PROM1: variants seen among roughly 807,000 people sequenced by gnomAD.
The protein encoded by PROM1 is prominin 1.
Under a neutral mutation model 116.9 loss-of-function variants are expected in PROM1, and 105 were observed. The observed-to-expected ratio is 0.90, with a 90% CI of 0.77 to 1.06. PROM1 has a LOEUF of 1.06. Among genes scored for constraint, PROM1 ranks in the 50% least tolerant of loss-of-function variants. PROM1 has a pLI of 0.00. For missense variants in PROM1, 1,122 were observed against 1,045.2 expected (o/e 1.07, Z -1.01); for synonymous variants, 393 against 387.0 (o/e 1.02, Z -0.18).
intron 1 of PROM1, chr4:16,079,793 A>C (rs534671688): frequency 6.6e-6 from 1 of 152,204 alleles, no homozygotes; most frequent in African/African-American, 2.4e-5. Context: ...AATTCATGTC[A>C]CTTTCCAAGG....
intron 2 of PROM1, among the ~76,000 whole-genome samples, chr4:16,062,927 A>T (rs1244924560): frequency 6.6e-6 from 1 of 152,202 alleles, no homozygotes; most frequent in African/African-American, 2.4e-5. Flanking sequence ...TTCCCCTAAA[A>T]GTTGCAATAT....
chr4:15,998,287 G>A, intron 15 of PROM1, 98 bp downstream of exon 15: 1 of 1,427,986 alleles, frequency 7.0e-7, no homozygotes. Flanking sequence ...AAACATGAAA[G>A]TCATATAATT....
intron 1 of PROM1, chr4:16,082,395 C>A (rs1298383533): frequency 6.6e-6 from 1 of 152,182 alleles, no homozygotes; most frequent in Non-Finnish European, 1.5e-5. Context: ...GCTTTCTTAA[C>A]AAAGAACAGC....
At chr4:16,020,184 C>A (rs1729495804) in intron 8 of PROM1, among the ~76,000 whole-genome samples, 1 of 152,168 alleles carries the variant, frequency 6.6e-6, no homozygotes, top group African/African-American at 2.4e-5. Flanking sequence ...TACCCAGAGA[C>A]CTGGGGAGGC....
intron 2 of PROM1, chr4:16,055,321 GTGC>G: frequency 2.2e-6 from 1 of 453,398 alleles, no homozygotes; most frequent in South Asian, 1.6e-5. Flanking sequence ...GATCACTTGT[GTGC>G]TGAGATAACC....
Position 15,979,385 on chromosome 4 carries a change from T to C in PROM1, c.2582+10A>G. On this transcript the variant is annotated intron_variant, in intron 26 of 27. Transcript: ENST00000447510. ...ATAGGGCGGGCATGCACTTCCAGAC[T>C]TTGCTTTACCTTGTCATAACAGGAT... 6.2e-7 allele frequency: 1 copy of C among 1,613,780 alleles called. No homozygotes were observed. Among genetic ancestry groups the C allele is most frequent in the Non-Finnish European group, 8.5e-7 (1 of 1,179,770 alleles).
chr4:16,058,180 C>A (rs1425667786), intron 2 of PROM1, among the ~76,000 whole-genome samples: 1 of 152,134 alleles, frequency 6.6e-6, no homozygotes, highest in Admixed American at 6.5e-5. Context: ...AGTGAAGGGG[C>A]CTTATGAATC....
chr4:16,047,618 A>T (rs1441504179), intron 2 of PROM1, among the ~76,000 whole-genome samples: 1 of 150,858 alleles, frequency 6.6e-6, no homozygotes, highest in Non-Finnish European at 1.5e-5. Context: ...TGTTAACAAC[A>T]TCTATAAAAT....
At chr4:16,047,129 T>G (rs559797394) in intron 2 of PROM1, among the ~76,000 whole-genome samples, 4 of 152,324 alleles carry the variant, frequency 2.6e-5, no homozygotes, top group African/African-American at 9.6e-5. Flanking sequence ...GATTTCTTCC[T>G]CCTCAGGAAA....
rs76498156 is a variant in PROM1 at position 16,002,797 on chromosome 4, G to T, written c.1455-2178C>A. Among the ~76,000 whole-genome samples, 729 of 152,228 alleles carry T rather than the reference G, an allele frequency of 4.8e-3. 27 individuals are homozygous for T. In the East Asian group the frequency reaches 0.11, roughly 22 times the overall value. On this transcript the variant is annotated intron_variant, in intron 13 of 27. Transcript: ENST00000447510. The stretch of plus-strand genomic sequence containing the variant: ...TGACTCTTACTCTAAATCGCATACA[G>T]TCACTATCTCCAGCCTTTATTTTCT...
intron 20 of PROM1, among the ~76,000 whole-genome samples, chr4:15,987,320 G>A (rs1041343102): frequency 5.3e-5 from 8 of 152,216 alleles, no homozygotes; most frequent in African/African-American, 1.9e-4. Flanking sequence ...CAAACCAGCA[G>A]GGAAAATGAA....
rs771407273 is a variant in PROM1, at chr4:16,024,331, T to C, written c.658A>G (p.Asn220Asp). ...GTGAACGCCTTGTCCTTGGTAGTGT[T>C]GTACTGGGCCAATATATATTTGATT... is the stretch of plus-strand genomic sequence containing the variant. ...EQIKYILAQY[N>D]TTKDKAFTDL... The change falls in exon 7 of 28, where the codon AAC (asparagine) becomes GAC (aspartate). Residue 220 changes from asparagine (N) to aspartate (D), a missense_variant. Physicochemically the swap from Asn to Asp is conservative, Grantham distance 23. Transcript: ENST00000447510. 1.2e-6 allele frequency: 2 copies of C among 1,613,546 alleles called. No homozygotes were observed. The highest frequency in any genetic ancestry group is 2.2e-5 in the South Asian group (2 of 90,920).
intron 11 of PROM1, among the ~76,000 whole-genome samples, chr4:16,011,408 A>G (rs1172426430): frequency 6.6e-6 from 1 of 152,172 alleles, no homozygotes; most frequent in Non-Finnish European, 1.5e-5. Context: ...TCAGGTTGGG[A>G]TGAGACAACC....
In PROM1 at chr4:16,018,312, T is replaced by C. The variant is rs1228352334; in HGVS notation, c.1002+11A>G. 1 of 1,611,818 alleles carries C rather than the reference T, an allele frequency of 6.2e-7. No individual in the cohort carries two copies. The highest frequency in any genetic ancestry group is 8.5e-7 in the Non-Finnish European group (1 of 1,179,230). ...GCAGCCCTTGACCATGGCAAGCTCA[T>C]GCCTGCTCACCTGCCTCAGTTCAGG... On this transcript the variant is annotated intron_variant, in intron 9 of 27. Transcript: ENST00000447510.
At chr4:16,033,562 G>A in intron 4 of PROM1, 53 bp from the exon 5 acceptor site, 4 of 538,262 alleles carry the variant, frequency 7.4e-6, no homozygotes, top group Non-Finnish European at 1.3e-5. Flanking sequence ...ATAATAAGTA[G>A]AACATTCCAT....
In PROM1 at chr4:15,998,472, T is replaced by C. The variant is rs779744674; in HGVS notation, c.1595A>G (p.Tyr532Cys). ...KELFRVLDTP[Y>C]LLNEDWEYYL... ...GTATTCCCAGTCTTCATTTAGTAAG[T>C]AGGGTGTATCCAAAACCTAGAACAC... Residue 532 changes from tyrosine (Y) to cysteine (C), a missense_variant, in exon 15 of 28, where the codon TAC (tyrosine) becomes TGC (cysteine). Transcript: ENST00000447510. The C allele has an allele frequency of 2.5e-6, 4 of 1,608,710 alleles. No individual in the cohort carries two copies. The highest frequency in any genetic ancestry group is 2.2e-5 in the South Asian group (2 of 89,240).
At chr4:16,024,403 A>G (rs1205758146) in intron 6 of PROM1, 45 bp from the exon 7 acceptor site, 1 of 1,475,304 alleles carries the variant, frequency 6.8e-7, no homozygotes, top group African/African-American at 1.4e-5. Context: ...TAAGGTCCAA[A>G]GGCAATAAGA....
rs115405803 is a variant in PROM1 at position 15,986,112 on chromosome 4, A to C, written c.2131-75T>G. 3,296 of 1,086,752 alleles carry C rather than the reference A, an allele frequency of 3.0e-3. 68 individuals are homozygous for C. The African/African-American group carries it at 0.044, about 15-fold the overall frequency. The allele number at this position is 1,086,752 out of a possible 1,614,324, so 67.3% of individuals were successfully genotyped here. A position where few individuals can be genotyped will look rare whatever the true frequency, so the allele number is the denominator to read the frequency against. Reference sequence around the variant, plus strand: ...AATTAGACAATTTGCATATTGATTCAAGTACTGTAACTCAGCTCTGCAACA... The same window carrying C: ...AATTAGACAATTTGCATATTGATTCCAGTACTGTAACTCAGCTCTGCAACA... On this transcript the variant is annotated intron_variant, in intron 20 of 27. Transcript: ENST00000447510.
intron 13 of PROM1, among the ~76,000 whole-genome samples, 181 bp from the exon 14 acceptor site, chr4:16,000,800 G>A (rs1381981393): frequency 1.3e-5 from 2 of 151,950 alleles, no homozygotes; most frequent in Middle Eastern, 3.2e-3. Flanking sequence ...GGCAGCTCCA[G>A]GACAGGCAAG....
Sources: gnomAD v4.1 joint callset for allele counts (sites outside exome capture counted in the v4.1 genomes callset) on GRCh38, gnomAD v4.1.1 for gene constraint, MANE v1.5 for transcripts, NCBI Gene and HGNC (gene_info 2026-07-23, HGNC 2026-07-21) for gene names.